Variants in S100A13 observed in about 807,000 individuals in gnomAD.
S100A13 encodes the protein S100 calcium binding protein A13.
In S100A13, 6 loss-of-function variants were observed where a neutral mutation model predicts 8.2. That is an observed-to-expected ratio of 0.73 (90% confidence interval 0.40 to 1.44). The LOEUF is 1.44. Ranked by LOEUF, S100A13 falls within the 40% of genes most tolerant of loss-of-function variation. The probability of loss-of-function intolerance (pLI) is 0.02; values close to 1 mark genes in which losing one functional copy is unlikely to be tolerated. For missense variants in S100A13, 114 were observed against 113.6 expected (o/e 1.00, Z -0.02); for synonymous variants, 39 against 45.9 (o/e 0.85, Z 0.61).
intron 2 of S100A13, 119 bp from the exon 3 acceptor site, chr1:153,619,157 T>A: frequency 2.2e-6 from 2 of 901,374 alleles, no homozygotes; most frequent in Non-Finnish European, 3.4e-6. Context: ...CAGTGGCACC[T>A]GCCCCTTCTC....
intron 2 of S100A13, among the ~76,000 whole-genome samples, chr1:153,624,245 T>C (rs1373608300): frequency 1.3e-5 from 2 of 152,276 alleles, no homozygotes; most frequent in East Asian, 3.9e-4. Flanking sequence ...GATGCTGAGA[T>C]GTAAGAAGAC....
At chr1:153,631,720 T>C, upstream of S100A13, 1 of 1,614,186 alleles carries the variant, frequency 6.2e-7, no homozygotes, top group Non-Finnish European at 8.5e-7. Flanking sequence ...GTGGATGCTG[T>C]GGACAAGGTG....
chr1:153,622,147 A>G (rs9729773), intron 2 of S100A13, among the ~76,000 whole-genome samples: 85,034 of 151,912 alleles, frequency 0.56, 24,046 homozygotes, highest in East Asian at 0.68. Flanking sequence ...AGGCAGGCAG[A>G]TCATCTGAAG....
upstream of S100A13, chr1:153,631,939 C>T (rs1416063447): frequency 4.6e-5 from 62 of 1,350,582 alleles, no homozygotes; most frequent in Non-Finnish European, 5.7e-5. Context: ...TCTCCATAAC[C>T]CCACCCTTGC....
At chr1:153,631,383 G>C, upstream of S100A13, 1 of 1,340,374 alleles carries the variant, frequency 7.5e-7, no homozygotes, top group Non-Finnish European at 1.0e-6. Context: ...TGGAAATAAT[G>C]AAACATACCT....
chr1:153,619,139 T>G, intron 2 of S100A13, 101 bp from the exon 3 acceptor site: 1 of 1,113,560 alleles, frequency 9.0e-7, no homozygotes, highest in Admixed American at 2.1e-5. Flanking sequence ...GGCCCTTCCC[T>G]CAGAGAGCAG....
intron 2 of S100A13, among the ~76,000 whole-genome samples, chr1:153,624,904 G>T (rs559492885): frequency 1.3e-5 from 2 of 152,164 alleles, no homozygotes; most frequent in South Asian, 4.2e-4. Context: ...GTGAAACCCC[G>T]TCTCTACTAA....
upstream of S100A13, among the ~76,000 whole-genome samples, chr1:153,633,647 C>CT (rs902832610): frequency 7.2e-5 from 11 of 152,192 alleles, no homozygotes; most frequent in African/African-American, 2.4e-4. Context: ...AACTCTCAGA[C>CT]TGGGCGAGTG....
intron 2 of S100A13, 43 bp from the exon 3 acceptor site, chr1:153,619,081 T>A: frequency 1.3e-6 from 2 of 1,584,038 alleles, no homozygotes; most frequent in Non-Finnish European, 1.7e-6. Context: ...GAAACTGGGG[T>A]TCTTGAGAAA....
At chr1:153,632,830 T>C (rs1668102891), upstream of S100A13, among the ~76,000 whole-genome samples, 1 of 152,024 alleles carries the variant, frequency 6.6e-6, no homozygotes, top group Admixed American at 6.6e-5. Context: ...ATTCTCTCAT[T>C]CCTCAAACAT....
upstream of S100A13, chr1:153,631,341 C>A: frequency 1.0e-6 from 1 of 975,766 alleles, no homozygotes; most frequent in Non-Finnish European, 1.5e-6. Flanking sequence ...ATTTATTTAA[C>A]CACCGATTAC....
upstream of S100A13, chr1:153,627,958 C>A (rs1021246596): frequency 9.9e-6 from 14 of 1,416,708 alleles, no homozygotes; most frequent in African/African-American, 1.7e-4. Flanking sequence ...GCCCCACACA[C>A]AGAGGGGGAT....
Position 153,626,454 on chromosome 1 carries a change from T to C in S100A13, c.19A>G (p.Thr7Ala). 6.2e-7 allele frequency: 1 copy of C among 1,614,192 alleles called. No individual in the cohort carries two copies. Among genetic ancestry groups the C allele is most frequent in the Non-Finnish European group, 8.5e-7 (1 of 1,180,026 alleles). MAAEPLTELEESIETVV... is the reference protein window; with the variant it reads MAAEPLAELEESIETVV... ...GTCTCAATGGACTCCTCTAGCTCTG[T>C]CAGTGGTTCTGCTGCCATTAGGACC... is the stretch of plus-strand genomic sequence containing the variant. Residue 7 changes from threonine to alanine, a missense_variant, in exon 2 of 3, where the codon ACA becomes GCA. Transcript: ENST00000476133.
intron 1 of S100A13, 79 bp from the exon 2 acceptor site, chr1:153,626,612 G>T: frequency 1.3e-6 from 1 of 785,146 alleles, no homozygotes; most frequent in Non-Finnish European, 2.0e-6. Flanking sequence ...TCCCTGCCTT[G>T]GTGTTATCAC....
chr1:153,624,058 G>A (rs973438051), intron 2 of S100A13, among the ~76,000 whole-genome samples: 3 of 152,190 alleles, frequency 2.0e-5, no homozygotes, highest in African/African-American at 4.8e-5. Context: ...TGAGAGGGTC[G>A]AGAGACTGAA....
upstream of S100A13, chr1:153,627,818 AG>A: frequency 1.9e-6 from 1 of 531,288 alleles, no homozygotes; most frequent in Non-Finnish European, 3.4e-6. Context: ...TGAGGGGGGA[AG>A]AGGGAGGCAA....
upstream of S100A13, chr1:153,629,629 C>G (rs1012198761): frequency 1.3e-5 from 2 of 152,636 alleles, no homozygotes; most frequent in African/African-American, 4.8e-5. Context: ...ATGCTTTCAG[C>G]CCTTTCTCTC....
intron 2 of S100A13, among the ~76,000 whole-genome samples, chr1:153,622,060 A>G (rs973999471): frequency 1.2e-4 from 18 of 151,442 alleles, no homozygotes; most frequent in African/African-American, 4.4e-4. Flanking sequence ...TAGGAGGCAA[A>G]TTGGTAATCA....
upstream of S100A13, chr1:153,631,448 G>A (rs1571303198): frequency 2.6e-6 from 4 of 1,565,066 alleles, no homozygotes; most frequent in East Asian, 9.6e-5. Flanking sequence ...TCCTAGTGTA[G>A]TGCTTGCTTT....
Sources: allele counts gnomAD v4.1 joint callset (sites outside exome capture counted in the v4.1 genomes callset), GRCh38; gene constraint gnomAD v4.1.1; transcripts MANE v1.5; gene names NCBI Gene and HGNC (gene_info 2026-07-23, HGNC 2026-07-21).